The following NRBF2 variants were observed in gnomAD, a reference collection of about 807,000 sequenced individuals.
NRBF2 encodes nuclear receptor binding factor 2, also known as nuclear receptor-binding factor 2.
NRBF2 carries 12 observed loss-of-function variants against 28.5 expected under a neutral mutation model. That is an observed-to-expected ratio of 0.42 (90% CI 0.27 to 0.68). The LOEUF is 0.68. Ranked by LOEUF, NRBF2 falls within the 30% of genes least tolerant of loss-of-function variation. The probability of loss-of-function intolerance (pLI) is 0.24; values close to 1 mark genes in which losing one functional copy is unlikely to be tolerated. For synonymous variants in NRBF2, 102 were observed against 116.5 expected, an observed-to-expected ratio of 0.88 and a Z score of 0.80; for missense variants, 274 against 333.5, an observed-to-expected ratio of 0.82 and a Z score of 1.39.
chr10:63,147,769 C>G (rs560660232), intron 2 of NRBF2, among the ~76,000 whole-genome samples: 1 of 152,002 alleles, frequency 6.6e-6, no homozygotes, highest in Non-Finnish European at 1.5e-5. Context: ...CTCCCACCCC[C>G]GCTTTTTTTA....
At chr10:63,144,599 G>T (rs554199258) in intron 1 of NRBF2, among the ~76,000 whole-genome samples, 1 of 151,974 alleles carries the variant, frequency 6.6e-6, no homozygotes, top group African/African-American at 2.4e-5. Context: ...TGTATTTTTA[G>T]TAGAGACGGG....
intron 2 of NRBF2, 121 bp downstream of exon 2, chr10:63,146,414 G>A: frequency 1.6e-6 from 1 of 626,432 alleles, no homozygotes; most frequent in South Asian, 2.1e-5. Context: ...TATCAGCTTT[G>A]ATTATTTTTC....
chr10:63,143,923 A>G (rs1841516963), intron 1 of NRBF2, among the ~76,000 whole-genome samples: 1 of 151,508 alleles, frequency 6.6e-6, no homozygotes, highest in African/African-American at 2.4e-5. Flanking sequence ...ACACCCGGCT[A>G]ATTTTTGTAT....
At chr10:63,138,711 T>C (rs1053063674) in intron 1 of NRBF2, among the ~76,000 whole-genome samples, 2 of 144,696 alleles carry the variant, frequency 1.4e-5, no homozygotes, top group African/African-American at 5.1e-5. Flanking sequence ...ACCACTGCAC[T>C]CCAGCCTGGG....
chr10:63,136,819 A>AGG (rs1217044352), intron 1 of NRBF2, among the ~76,000 whole-genome samples: 2 of 152,192 alleles, frequency 1.3e-5, no homozygotes, highest in Non-Finnish European at 2.9e-5. Context: ...TTTGGCAGTA[A>AGG]GGGCCTTAGA....
intron 2 of NRBF2, among the ~76,000 whole-genome samples, chr10:63,150,888 AG>A (rs1377677229): frequency 6.6e-6 from 1 of 152,136 alleles, no homozygotes; most frequent in Admixed American, 6.5e-5. Context: ...AGTTTGCAGT[AG>A]GGTTTGTGCT....
At chr10:63,151,084 CT>C (rs1379974810) in intron 2 of NRBF2, among the ~76,000 whole-genome samples, 4 of 152,266 alleles carry the variant, frequency 2.6e-5, no homozygotes, top group African/African-American at 7.2e-5. Context: ...TTTGGGACCC[CT>C]GATATAATTG....
intron 2 of NRBF2, chr10:63,150,148 C>T (rs1413588433): frequency 6.6e-6 from 1 of 150,950 alleles, no homozygotes; most frequent in Non-Finnish European, 1.5e-5. Context: ...GACGGGGTTT[C>T]ACCATGCTGG....
At chr10:63,143,514 A>G (rs1841507619) in intron 1 of NRBF2, among the ~76,000 whole-genome samples, 1 of 151,860 alleles carries the variant, frequency 6.6e-6, no homozygotes, top group Admixed American at 6.6e-5. Flanking sequence ...CTGAAGTGTA[A>G]TGGTGCGATC....
chr10:63,138,271 C>G (rs1277848545), intron 1 of NRBF2, among the ~76,000 whole-genome samples: 2 of 151,850 alleles, frequency 1.3e-5, no homozygotes, highest in Non-Finnish European at 2.9e-5. Context: ...CAAGGTCACG[C>G]CCTTGCACTC....
chr10:63,154,378 T>C lies in NRBF2; in HGVS notation c.*160T>C. ...GGCATTGCCAGGACTTGGGAAACAG[T>C]CACTGTGAAATGCGCTGCGTATCTC... is the stretch of plus-strand genomic sequence containing the variant. On this transcript the variant is annotated 3_prime_UTR_variant, in exon 4 of 4. Transcript: ENST00000277746. 1.7e-6 allele frequency: 1 copy of C among 584,338 alleles called. No homozygotes were observed. Among genetic ancestry groups the C allele is most frequent in the Non-Finnish European group, 3.0e-6 (1 of 331,660 alleles). 36.2% of individuals were successfully genotyped at this position (584,338 alleles called of 1,614,324 possible).
chr10:63,148,089 CAT>C (rs1841592180), intron 2 of NRBF2, among the ~76,000 whole-genome samples: 1 of 152,084 alleles, frequency 6.6e-6, no homozygotes, highest in African/African-American at 2.4e-5. Context: ...ATATATATAA[CAT>C]ATGTTAAGTG....
chr10:63,154,202 G>C lies in NRBF2; in HGVS notation c.848G>C (p.Gly283Ala). The C allele has an allele frequency of 6.4e-7, 1 of 1,572,650 alleles. No homozygotes were observed. Among genetic ancestry groups the C allele is most frequent in the Non-Finnish European group, 8.7e-7 (1 of 1,150,722 alleles). Reference sequence around the variant, plus strand: ...GAGCTCTCTGAGGATATTCTGAAAGGATTTATGAATAATTAAAATGGAAGG... The same window carrying C: ...GAGCTCTCTGAGGATATTCTGAAAGCATTTATGAATAATTAAAATGGAAGG... ...LMELSEDILK[G>A]FMNN Residue 283 changes from glycine to alanine, a missense_variant, in exon 4 of 4, where the codon GGA (glycine) becomes GCA (alanine). Gly to Ala is a moderately conservative substitution (Grantham distance 60). Coordinates refer to ENST00000277746, the MANE Select transcript of NRBF2 (RefSeq NM_030759.5).
intron 1 of NRBF2, among the ~76,000 whole-genome samples, chr10:63,134,699 C>T (rs1841347898): frequency 6.6e-6 from 1 of 152,156 alleles, no homozygotes. Flanking sequence ...ATAACCAGAC[C>T]ATAAGCCCTT....
chr10:63,147,559 G>T (rs994086353), intron 2 of NRBF2, among the ~76,000 whole-genome samples: 1 of 150,412 alleles, frequency 6.6e-6, no homozygotes. Flanking sequence ...TGATTGACCC[G>T]CCTTGGCCTC....
At position 63,153,762 on chromosome 10, in the gene NRBF2, G is replaced by A. The variant is rs1341608259; in HGVS notation, c.408G>A (p.Arg136=). 6.2e-7 allele frequency: 1 copy of A among 1,612,926 alleles called. No individual in the cohort carries two copies. The highest frequency in any genetic ancestry group is 2.2e-5 in the East Asian group (1 of 44,866). ...CLPEIQGIFD[R]DPDTLLYLLQ... ...CTGAGATTCAGGGGATCTTTGACAG[G>A]GATCCAGACACACTACTTTATTTAC... The change falls in exon 4 of 4, where the codon AGG becomes AGA. Residue 136 remains arginine (R), a synonymous_variant. Coordinates refer to ENST00000277746, the MANE Select transcript of NRBF2 (RefSeq NM_030759.5).
chr10:63,153,555 G>A lies in NRBF2; in HGVS notation c.201G>A (p.Gln67=). ...TGCAAAGGGATAGCCATATGAAACA[G>A]CTCCTCCTCATCCAAGAGAGATGGA... ...LELQRDSHMK[Q]LLLIQERWKR... is the part of the protein sequence containing the mutation. The change falls in exon 4 of 4, where the codon CAG becomes CAA. Residue 67 remains glutamine, a synonymous_variant. Coordinates refer to ENST00000277746, the MANE Select transcript of NRBF2 (RefSeq NM_030759.5). The A allele has an allele frequency of 6.2e-7, 1 of 1,611,856 alleles. No homozygotes were observed. The highest frequency in any genetic ancestry group is 1.1e-5 in the South Asian group (1 of 90,974).
intron 2 of NRBF2, 121 bp downstream of exon 2, chr10:63,146,414 G>T: frequency 1.6e-6 from 1 of 626,432 alleles, no homozygotes; most frequent in South Asian, 2.1e-5. Flanking sequence ...TATCAGCTTT[G>T]ATTATTTTTC....
intron 1 of NRBF2, among the ~76,000 whole-genome samples, chr10:63,134,007 C>G (rs1317738902): frequency 6.7e-6 from 1 of 150,212 alleles, no homozygotes; most frequent in Non-Finnish European, 1.5e-5. Flanking sequence ...TCCACTTCCC[C>G]CTCCTCACCC....
Sources: allele counts gnomAD v4.1 joint callset (sites outside exome capture counted in the v4.1 genomes callset), GRCh38; gene constraint gnomAD v4.1.1; transcripts MANE v1.5; gene names NCBI Gene and HGNC (gene_info 2026-07-23, HGNC 2026-07-21).